Variants in SLC35F3 observed in about 807,000 individuals in gnomAD.
The protein encoded by SLC35F3 is putative thiamine transporter SLC35F3.
In SLC35F3, 25 loss-of-function variants were observed where a neutral mutation model predicts 49.9. The ratio of observed to expected loss-of-function variants is 0.50; its 90% CI spans 0.37 to 0.70. The LOEUF (loss-of-function observed/expected upper bound fraction) is 0.70, where lower values mean the gene tolerates loss of function less well. Among genes scored for constraint, SLC35F3 ranks in the 30% least tolerant of loss-of-function variants. SLC35F3 has a pLI of 0.00. For synonymous variants in SLC35F3, 275 were observed against 265.4 expected (o/e 1.04, Z -0.35); for missense variants, 525 against 639.8 (o/e 0.82, Z 1.94).
intron 2 of SLC35F3, among the ~76,000 whole-genome samples, chr1:234,095,085 G>A (rs902309657): frequency 6.6e-6 from 1 of 152,068 alleles, no homozygotes; most frequent in African/African-American, 2.4e-5. Flanking sequence ...AATCCTCAGT[G>A]GTTCTGCCTA....
rs191475896 is a variant in SLC35F3, at chr1:234,172,792, A to G, written c.284-58625A>G. ...TGTCTCTAAACATATCTAAATGTAGAAAAGGTACAGTAAAAATGCAGTATT... is the reference window on the plus strand; with the variant it reads ...TGTCTCTAAACATATCTAAATGTAGGAAAGGTACAGTAAAAATGCAGTATT... On this transcript the variant is annotated intron_variant, in intron 2 of 7. Transcript: ENST00000366618. Among the ~76,000 whole-genome samples, 12 of 152,362 alleles carry G rather than the reference A, an allele frequency of 7.9e-5. No individual in the cohort carries two copies. The East Asian group carries it at 2.3e-3, about 29-fold the overall frequency.
At chr1:234,107,849 C>G (rs974788785) in intron 2 of SLC35F3, among the ~76,000 whole-genome samples, 2 of 152,076 alleles carry the variant, frequency 1.3e-5, no homozygotes, top group African/African-American at 4.8e-5. Context: ...TGGAAGCACT[C>G]AAAGTACACT....
At chr1:234,055,284 T>G (rs1181522922) in intron 2 of SLC35F3, among the ~76,000 whole-genome samples, 1 of 152,122 alleles carries the variant, frequency 6.6e-6, no homozygotes, top group Admixed American at 6.5e-5. Context: ...GCAGGCCTCC[T>G]TGAGCTGCAG....
intron 2 of SLC35F3, among the ~76,000 whole-genome samples, chr1:233,912,191 C>G (rs191638618): frequency 1.3e-5 from 2 of 152,118 alleles, no homozygotes; most frequent in African/African-American, 4.8e-5. Context: ...CTATGAGCCT[C>G]TAGTTTCGCC....
chr1:234,136,310 C>G (rs1317893708), intron 2 of SLC35F3, among the ~76,000 whole-genome samples: 1 of 149,430 alleles, frequency 6.7e-6, no homozygotes, highest in African/African-American at 2.5e-5. Context: ...TCTCCTTTCT[C>G]TCTTTCTTTT....
intron 4 of SLC35F3, among the ~76,000 whole-genome samples, chr1:234,310,748 C>G (rs1657332986): frequency 6.6e-6 from 1 of 152,170 alleles, no homozygotes; most frequent in Non-Finnish European, 1.5e-5. Context: ...AGACCCTGTT[C>G]CTGGGAAGAG....
chr1:234,136,069 G>A (rs767464719), intron 2 of SLC35F3, among the ~76,000 whole-genome samples: 1 of 152,194 alleles, frequency 6.6e-6, no homozygotes, highest in Non-Finnish European at 1.5e-5. Flanking sequence ...ATATGAAACA[G>A]AATCTCTGGT....
intron 2 of SLC35F3, among the ~76,000 whole-genome samples, chr1:233,991,436 G>T (rs1663352519): frequency 6.9e-6 from 1 of 143,914 alleles, no homozygotes; most frequent in Admixed American, 6.9e-5. Flanking sequence ...TTCCATGGAA[G>T]AAAAAAAAAG....
At chr1:234,259,188 C>T (rs893338470) in intron 3 of SLC35F3, among the ~76,000 whole-genome samples, 3 of 152,178 alleles carry the variant, frequency 2.0e-5, no homozygotes, top group Non-Finnish European at 2.9e-5. Flanking sequence ...TCTAAAACTC[C>T]TTCTCCCTGG....
chr1:233,926,254 T>G (rs930133190), intron 2 of SLC35F3, among the ~76,000 whole-genome samples: 9 of 152,232 alleles, frequency 5.9e-5, no homozygotes, highest in African/African-American at 2.2e-4. Flanking sequence ...ATTCTCCCTG[T>G]CACTTTCAGG....
At chr1:233,925,461 CT>C (rs1033014148) in intron 2 of SLC35F3, among the ~76,000 whole-genome samples, 2 of 151,308 alleles carry the variant, frequency 1.3e-5, no homozygotes, top group African/African-American at 2.4e-5. Flanking sequence ...GCAACCCCTG[CT>C]TTTTTTTTGT....
intron 2 of SLC35F3, among the ~76,000 whole-genome samples, chr1:233,930,971 C>T (rs552723013): frequency 2.6e-5 from 4 of 152,224 alleles, no homozygotes; most frequent in African/African-American, 9.6e-5. Context: ...ACAGAGGCCT[C>T]AGAAATAACA....
chr1:234,290,881 T>C (rs75703501), intron 3 of SLC35F3, among the ~76,000 whole-genome samples: 2 of 152,194 alleles, frequency 1.3e-5, no homozygotes, highest in Non-Finnish European at 2.9e-5. Context: ...ACCTTTTTTT[T>C]CCTCCCTTTC....
intron 2 of SLC35F3, among the ~76,000 whole-genome samples, chr1:233,986,463 T>C (rs1663267617): frequency 1.3e-5 from 2 of 152,216 alleles, no homozygotes; most frequent in Admixed American, 1.3e-4. Flanking sequence ...GATTTGTGCA[T>C]CAACATCTAG....
chr1:233,985,970 G>A (rs984339347), intron 2 of SLC35F3, among the ~76,000 whole-genome samples: 1 of 152,120 alleles, frequency 6.6e-6, no homozygotes, highest in Non-Finnish European at 1.5e-5. Context: ...CAGGCTGTGT[G>A]GGTTAAAATT....
intron 2 of SLC35F3, among the ~76,000 whole-genome samples, chr1:234,029,829 T>C (rs559805224): frequency 1.3e-5 from 2 of 152,134 alleles, no homozygotes; most frequent in Non-Finnish European, 2.9e-5. Flanking sequence ...GCCACTGCAC[T>C]CCAGCCTGGG....
At chr1:234,304,817 A>C (rs925398527) in intron 3 of SLC35F3, among the ~76,000 whole-genome samples, 1 of 152,248 alleles carries the variant, frequency 6.6e-6, no homozygotes, top group Non-Finnish European at 1.5e-5. Context: ...ATATTTTAAA[A>C]TGTAATAGAA....
chr1:234,132,290 A>T (rs992286251), intron 2 of SLC35F3, among the ~76,000 whole-genome samples: 1 of 152,226 alleles, frequency 6.6e-6, no homozygotes, highest in African/African-American at 2.4e-5. Context: ...TTGCTAATTT[A>T]AATTATACCA....
At chr1:234,010,007 A>G (rs764954762) in intron 2 of SLC35F3, among the ~76,000 whole-genome samples, 3 of 152,240 alleles carry the variant, frequency 2.0e-5, no homozygotes, top group Non-Finnish European at 4.4e-5. Context: ...TTGAAATTAA[A>G]ATTAGTAACA....
Sources: allele counts gnomAD v4.1 joint callset (sites outside exome capture counted in the v4.1 genomes callset), GRCh38; gene constraint gnomAD v4.1.1; transcripts MANE v1.5; gene names NCBI Gene and HGNC (gene_info 2026-07-23, HGNC 2026-07-21).